The following DCC variants were observed in gnomAD, a reference collection of about 807,000 sequenced individuals.
DCC encodes the protein DCC netrin 1 receptor, also known as netrin receptor DCC.
A neutral mutation model predicts 172.5 loss-of-function variants in DCC; 58 were observed. That is an observed-to-expected ratio of 0.34 (90% CI 0.27 to 0.42). DCC has a LOEUF of 0.42. DCC is among the 10% of genes least tolerant of loss of function. DCC has a pLI of 1.00. For missense variants in DCC, 1,740 were observed against 1,791.0 expected, an observed-to-expected ratio of 0.97 and a Z score of 0.51; for synonymous variants, 709 against 644.5, an observed-to-expected ratio of 1.10 and a Z score of -1.52.
At chr18:52,980,475 T>G (rs541110083) in intron 5 of DCC, among the ~76,000 whole-genome samples, 1 of 152,292 alleles carries the variant, frequency 6.6e-6, no homozygotes, top group South Asian at 2.1e-4. Context: ...CTTTGTTTTA[T>G]CTATTCATTT....
chr18:53,450,447 A>T, intron 22 of DCC, 53 bp from the exon 23 acceptor site: 1 of 1,604,824 alleles, frequency 6.2e-7, no homozygotes, highest in Non-Finnish European at 8.5e-7. Context: ...AGCTTGGTAA[A>T]ACTTCTGCCA....
At chr18:53,460,858 T>C (rs2045549810) in intron 24 of DCC, among the ~76,000 whole-genome samples, 1 of 152,174 alleles carries the variant, frequency 6.6e-6, no homozygotes, top group Non-Finnish European at 1.5e-5. Context: ...ATCGCCACAC[T>C]GACTTCCACA....
At chr18:52,640,547 G>A (rs2034870554) in intron 1 of DCC, among the ~76,000 whole-genome samples, 1 of 151,872 alleles carries the variant, frequency 6.6e-6, no homozygotes, top group African/African-American at 2.4e-5. Flanking sequence ...CAAATTAGTA[G>A]CTCTTCTATA....
At chr18:52,757,490 C>A (rs956284738) in intron 2 of DCC, among the ~76,000 whole-genome samples, 7 of 152,120 alleles carry the variant, frequency 4.6e-5, no homozygotes, top group African/African-American at 1.7e-4. Flanking sequence ...CACCCTTCCC[C>A]ACACCTACCC....
At chr18:53,018,544 C>T (rs1050300496) in intron 5 of DCC, among the ~76,000 whole-genome samples, 2 of 152,078 alleles carry the variant, frequency 1.3e-5, no homozygotes, top group Admixed American at 6.5e-5. Context: ...TTAAATATCT[C>T]TTTCTCAGGG....
chr18:52,960,103 C>G (rs557145591), intron 5 of DCC, among the ~76,000 whole-genome samples: 1 of 152,054 alleles, frequency 6.6e-6, no homozygotes, highest in Non-Finnish European at 1.5e-5. Context: ...CATGCACACA[C>G]GCACACACAC....
At chr18:53,241,610 G>A (rs1328884269) in intron 12 of DCC, among the ~76,000 whole-genome samples, 1 of 152,162 alleles carries the variant, frequency 6.6e-6, no homozygotes, top group Admixed American at 6.5e-5. Flanking sequence ...GCCATAAAGA[G>A]AACCAGGCAG....
chr18:53,260,213 A>G (rs55668360), intron 12 of DCC, among the ~76,000 whole-genome samples: 6,573 of 152,172 alleles, frequency 0.043, 429 homozygotes, highest in African/African-American at 0.15. Context: ...TGTCAAAGTC[A>G]TTCTCCGTCC....
rs144774006 is a variant in DCC at position 52,466,306 on chromosome 18, G to A, written c.91+125428G>A. On this transcript the variant is annotated intron_variant, in intron 1 of 28. Transcript: ENST00000442544. ...GTGGGTCTAACATAAAAATAGTGGC[G>A]TTTTCTAATAACAGCAGTATTTTTA... Among the ~76,000 whole-genome samples the A allele has an allele frequency of 2.0e-3, 310 of 152,150 alleles. 1 individual carries two copies. Among genetic ancestry groups the A allele is most frequent in the African/African-American group, 7.1e-3 (296 of 41,486 alleles).
intron 2 of DCC, among the ~76,000 whole-genome samples, chr18:52,887,414 T>A (rs768072121): frequency 3.2e-4 from 48 of 152,238 alleles, no homozygotes; most frequent in Non-Finnish European, 5.0e-4. Context: ...GTTTATTCCA[T>A]CTGTGTCATC....
intron 3 of DCC, among the ~76,000 whole-genome samples, chr18:52,920,036 A>AC (rs1435781558): frequency 3.3e-5 from 5 of 151,626 alleles, no homozygotes; most frequent in Non-Finnish European, 7.4e-5. Flanking sequence ...AAAAAAAAAA[A>AC]AGAATCCAGA....
chr18:53,436,663 G>A (rs1172522602), intron 22 of DCC, among the ~76,000 whole-genome samples: 1 of 152,010 alleles, frequency 6.6e-6, no homozygotes, highest in Non-Finnish European at 1.5e-5. Flanking sequence ...ACTTATTTTT[G>A]AATTGCCTGG....
At chr18:52,928,390 A>T (rs2040252046) in intron 5 of DCC, among the ~76,000 whole-genome samples, 1 of 152,146 alleles carries the variant, frequency 6.6e-6, no homozygotes, top group South Asian at 2.1e-4. Flanking sequence ...AGTGAGATGC[A>T]ACTTATCTAT....
intron 1 of DCC, among the ~76,000 whole-genome samples, chr18:52,657,374 G>A (rs1314544545): frequency 6.6e-6 from 1 of 152,198 alleles, no homozygotes; most frequent in East Asian, 1.9e-4. Context: ...GTGTTAGCTG[G>A]AAGAATTTCC....
chr18:52,998,896 A>T (rs1334461491), intron 5 of DCC, among the ~76,000 whole-genome samples: 1 of 152,072 alleles, frequency 6.6e-6, no homozygotes, highest in Non-Finnish European at 1.5e-5. Context: ...CGTTGTCAGG[A>T]AGCAAGTACT....
In DCC at chr18:52,784,433, G is replaced by A. The variant is rs75971625; in HGVS notation, c.412+32059G>A. ...CCTCTCCATTGGATAAATACCTAGTGGTGGGATTGCTGGATTGTATGATAT... is the reference window on the plus strand; with the variant it reads ...CCTCTCCATTGGATAAATACCTAGTAGTGGGATTGCTGGATTGTATGATAT... On this transcript the variant is annotated intron_variant, in intron 2 of 28. Transcript: ENST00000442544. Among the ~76,000 whole-genome samples, 1,116 of 152,110 alleles carry A rather than the reference G, an allele frequency of 7.3e-3. 14 individuals are homozygous for A. The highest frequency in any genetic ancestry group is 0.025 in the African/African-American group (1,056 of 41,518).
chr18:53,013,775 T>C (rs1272495983), intron 5 of DCC, among the ~76,000 whole-genome samples: 1 of 151,976 alleles, frequency 6.6e-6, no homozygotes, highest in Non-Finnish European at 1.5e-5. Context: ...ATATGTCATA[T>C]AGCACACTTC....
intron 1 of DCC, among the ~76,000 whole-genome samples, chr18:52,577,634 C>T (rs555208378): frequency 6.6e-4 from 100 of 152,210 alleles, no homozygotes; most frequent in African/African-American, 2.3e-3. Context: ...TTATTCATCT[C>T]CCCTCCCCAC....
At chr18:52,751,490 G>A (rs1338377071) in intron 1 of DCC, among the ~76,000 whole-genome samples, 1 of 152,184 alleles carries the variant, frequency 6.6e-6, no homozygotes, top group Non-Finnish European at 1.5e-5. Context: ...TTAGGTAGTA[G>A]CTTTATTGAC....
Sources: gnomAD v4.1 joint callset for allele counts (sites outside exome capture counted in the v4.1 genomes callset) on GRCh38, gnomAD v4.1.1 for gene constraint, MANE v1.5 for transcripts, NCBI Gene and HGNC (gene_info 2026-07-23, HGNC 2026-07-21) for gene names.